The following GNLY variants were observed in gnomAD, a reference collection of about 807,000 sequenced individuals.
The protein encoded by GNLY is T-cell activation protein 519.
GNLY carries 15 observed loss-of-function variants against 18.5 expected under a neutral mutation model. The ratio of observed to expected loss-of-function variants is 0.81; its 90% CI spans 0.54 to 1.25. The LOEUF is 1.25. GNLY is among the 50% of genes most tolerant of loss of function. GNLY has a pLI of 0.00. For synonymous variants in GNLY, 77 were observed against 74.9 expected, an observed-to-expected ratio of 1.03 and a Z score of -0.14; for missense variants, 178 against 186.9, an observed-to-expected ratio of 0.95 and a Z score of 0.28.
At position 85,695,410 on chromosome 2, in the gene GNLY, AGGAGGGCCC is replaced by A. The variant is rs1291977814; in HGVS notation, c.144_152del (p.Gln48_Pro51delinsHis). The A allele has an allele frequency of 6.2e-7, 1 of 1,604,578 alleles. No homozygotes were observed. The highest frequency in any genetic ancestry group is 8.5e-7 in the Non-Finnish European group (1 of 1,171,390). On this transcript the variant is annotated inframe_deletion, in exon 2 of 5. Coordinates refer to ENST00000263863, the MANE Select transcript of GNLY (RefSeq NM_006433.5). ...GAGAAATCCTGCCCGTGCCTGGCCCAGGAGGGCCCCCAGGTACGTGTTGGCTCTCTGCTC... is the reference window on the plus strand; with the variant it reads ...GAGAAATCCTGCCCGTGCCTGGCCCACCAGGTACGTGTTGGCTCTCTGCTC...
At chr2:85,697,125 T>A in intron 3 of GNLY, 1 of 193,128 alleles carries the variant, frequency 5.2e-6, no homozygotes, top group South Asian at 9.3e-5. Flanking sequence ...CCACCAGTCT[T>A]CTCTATGCAC....
At chr2:85,698,220 G>A (rs1316800845) in intron 4 of GNLY, among the ~76,000 whole-genome samples, 1 of 152,252 alleles carries the variant, frequency 6.6e-6, no homozygotes, top group Non-Finnish European at 1.5e-5. Context: ...CTCCATGGCT[G>A]CCCAGGCTGT....
Position 85,695,825 on chromosome 2 carries a change from T to G in GNLY, c.157-133T>G, listed in dbSNP as rs1011559533. ...CCAGGCAGCCAGTTCAGGCCTTCAGTGTATCCACGCTCTGGGAAGAGATCA... is the reference window on the plus strand; with the variant it reads ...CCAGGCAGCCAGTTCAGGCCTTCAGGGTATCCACGCTCTGGGAAGAGATCA... On this transcript the variant is annotated intron_variant, in intron 2 of 4. Coordinates refer to ENST00000263863, the MANE Select transcript of GNLY (RefSeq NM_006433.5). 1.3e-4 allele frequency: 83 copies of G among 638,634 alleles called. 1 individual carries two copies. The highest frequency in any genetic ancestry group is 2.5e-5 in the Non-Finnish European group (9 of 356,662). The allele number at this position is 638,634 out of a possible 1,614,324, so 39.6% of individuals were successfully genotyped here.
Position 85,695,429 on chromosome 2 carries a change from T to A in GNLY, c.156+6T>A. 6.4e-7 allele frequency: 1 copy of A among 1,550,860 alleles called. No homozygotes were observed. Among genetic ancestry groups the A allele is most frequent in the Non-Finnish European group, 8.9e-7 (1 of 1,122,834 alleles). ...TGGCCCAGGAGGGCCCCCAGGTACG[T>A]GTTGGCTCTCTGCTCACCTGCCACA... On this transcript the variant is annotated splice_donor_region_variant and intron_variant, in intron 2 of 4. Transcript: ENST00000263863.
chr2:85,698,385 T>C (rs759046906), intron 4 of GNLY, 179 bp from the exon 5 acceptor site: 1 of 954,566 alleles, frequency 1.0e-6, no homozygotes, highest in Non-Finnish European at 1.7e-6. Flanking sequence ...AGCTTGTGGC[T>C]TTTCTATTCA....
In GNLY at chr2:85,695,342, C is replaced by T; in HGVS notation, c.75C>T (p.Ser25=). The change falls in exon 2 of 5, where the codon AGC becomes AGT. Residue 25 remains serine, a synonymous_variant. Coordinates refer to ENST00000263863, the MANE Select transcript of GNLY (RefSeq NM_006433.5). ...CAGGTCTGGTCTTCTCTCGTCTGAG[C>T]CCTGAGTACTACGACCTGGCAAGAG... The part of the protein sequence containing the change: ...GNPGLVFSRL[S]PEYYDLARAH... 6.2e-7 allele frequency: 1 copy of T among 1,612,444 alleles called. No homozygotes were observed. The highest frequency in any genetic ancestry group is 8.5e-7 in the Non-Finnish European group (1 of 1,178,438).
rs1261812788 is a variant in GNLY, at chr2:85,694,471, G to A, written c.52+1G>A. 1.2e-6 allele frequency: 2 copies of A among 1,613,742 alleles called. No homozygotes were observed. Among genetic ancestry groups the A allele is most frequent in the Admixed American group, 3.3e-5 (2 of 59,958 alleles). ...GCAGCCATGCTCCTGGGCAACCCAG[G>A]TAAGGCCTTCCCCTCGGGATCGATC... is the stretch of plus-strand genomic sequence containing the variant. On this transcript the variant is annotated splice_donor_variant, in intron 1 of 4. Transcript: ENST00000263863. LOFTEE classifies it high-confidence loss of function.
chr2:85,698,610 T>G lies in GNLY; in HGVS notation c.*36T>G. 6.2e-7 allele frequency: 1 copy of G among 1,613,736 alleles called. No homozygotes were observed. Among genetic ancestry groups the G allele is most frequent in the Non-Finnish European group, 8.5e-7 (1 of 1,179,866 alleles). On this transcript the variant is annotated 3_prime_UTR_variant, in exon 5 of 5. Transcript: ENST00000263863. ...CTTGTCCTGTGGAAGAAGCACAGGCTCCTGTCCTCAGATCCCGGGAACCTC... is the reference window on the plus strand; with the variant it reads ...CTTGTCCTGTGGAAGAAGCACAGGCGCCTGTCCTCAGATCCCGGGAACCTC...
At chr2:85,696,095 C>T (rs1428401799) in intron 3 of GNLY, 39 bp downstream of exon 3, 2 of 1,164,786 alleles carry the variant, frequency 1.7e-6, no homozygotes, top group East Asian at 2.4e-5. Context: ...GTCTGCTGCT[C>T]AATGGAGGGG....
Position 85,695,345 on chromosome 2 carries a change from TGA to T in GNLY, c.80_81del (p.Glu27ValfsTer11), listed in dbSNP as rs760149118. 6.2e-7 allele frequency: 1 copy of T among 1,613,240 alleles called. No individual in the cohort carries two copies. The highest frequency in any genetic ancestry group is 2.2e-5 in the East Asian group (1 of 44,868). On this transcript the variant is annotated frameshift_variant, in exon 2 of 5. Transcript: ENST00000263863. LOFTEE classifies it high-confidence loss of function. ...PGLVFSRLSP[E>X]YYDLARAHLR... ...GTCTGGTCTTCTCTCGTCTGAGCCC[TGA>T]GTACTACGACCTGGCAAGAGCCCAC...
At chr2:85,694,878 G>T (rs1469248127) in intron 1 of GNLY, 1 of 1,543,290 alleles carries the variant, frequency 6.5e-7, no homozygotes, top group Non-Finnish European at 8.7e-7. Flanking sequence ...CTGTGTTCAA[G>T]GCAGACTTCC....
chr2:85,698,145 C>G (rs1678532572), intron 4 of GNLY, among the ~76,000 whole-genome samples: 1 of 152,244 alleles, frequency 6.6e-6, no homozygotes, highest in African/African-American at 2.4e-5. Context: ...TATCCTCCCC[C>G]ACAATCCTGG....
chr2:85,695,456 T>C lies in GNLY; in HGVS notation c.156+33T>C, dbSNP rs750586394. 2.3e-6 allele frequency: 3 copies of C among 1,278,042 alleles called. No homozygotes were observed. In the South Asian group the frequency reaches 3.6e-5, roughly 15 times the overall value. 79.2% of individuals were successfully genotyped at this position (1,278,042 alleles called of 1,614,324 possible). ...TTGGCTCTCTGCTCACCTGCCACAGTCCCTCTCCTTTCCCTCCTCCCTGGT... is the reference window on the plus strand; with the variant it reads ...TTGGCTCTCTGCTCACCTGCCACAGCCCCTCTCCTTTCCCTCCTCCCTGGT... On this transcript the variant is annotated intron_variant, in intron 2 of 4. Coordinates refer to ENST00000263863, the MANE Select transcript of GNLY (RefSeq NM_006433.5).
chr2:85,697,580 C>T lies in GNLY; in HGVS notation c.330C>T (p.Phe110=). 6.2e-7 allele frequency: 1 copy of T among 1,613,270 alleles called. No individual in the cohort carries two copies. Among genetic ancestry groups the T allele is most frequent in the South Asian group, 1.1e-5 (1 of 91,052 alleles). Residue 110 remains phenylalanine, a synonymous_variant, in exon 4 of 5, where the codon TTC becomes TTT. Coordinates refer to ENST00000263863, the MANE Select transcript of GNLY (RefSeq NM_006433.5). ...RSRWRDVCRN[F]MRRYQSRVTQ... ...GATGGCGCGACGTCTGCAGAAATTT[C>T]ATGAGGAGGTATCAGTCTAGAGTTA...
At chr2:85,697,733 C>A in intron 4 of GNLY, 56 bp downstream of exon 4, 1 of 1,241,492 alleles carries the variant, frequency 8.1e-7, no homozygotes, top group East Asian at 2.4e-5. Flanking sequence ...CAGCTTCCCC[C>A]AGGATATATC....
rs780218763 is a variant in GNLY at position 85,694,412 on chromosome 2, C to T, written c.-7C>T. On this transcript the variant is annotated 5_prime_UTR_variant, in exon 1 of 5. Transcript: ENST00000263863. ...GGTGTGAAAGGCATCTCAGCGGCTG[C>T]CCCACCATGGCTACCTGGGCCCTCC... 6.2e-7 allele frequency: 1 copy of T among 1,613,212 alleles called. No individual in the cohort carries two copies. The highest frequency in any genetic ancestry group is 1.1e-5 in the South Asian group (1 of 91,056).
chr2:85,694,547 G>A (rs1558587171), intron 1 of GNLY, 77 bp downstream of exon 1: 4 of 1,430,990 alleles, frequency 2.8e-6, no homozygotes, highest in East Asian at 4.6e-5. Context: ...CCTGGAGCTT[G>A]GACTCTGTGG....
rs1244056917 is a variant in GNLY, at chr2:85,697,496, G to A, written c.256-10G>A. ...CTATAACCATGTCCACTGTGGTGCT[G>A]CTGCTGCAGAGAAGTGTTTCCAATG... On this transcript the variant is annotated splice_polypyrimidine_tract_variant and intron_variant, in intron 3 of 4. Coordinates refer to ENST00000263863, the MANE Select transcript of GNLY (RefSeq NM_006433.5). 5 of 1,611,490 alleles carry A rather than the reference G, an allele frequency of 3.1e-6. No homozygotes were observed. The highest frequency in any genetic ancestry group is 3.4e-6 in the Non-Finnish European group (4 of 1,179,274).
Position 85,697,695 on chromosome 2 carries a change from A to G in GNLY, c.427+18A>G. 6.4e-7 allele frequency: 1 copy of G among 1,569,846 alleles called. No homozygotes were observed. The highest frequency in any genetic ancestry group is 1.7e-5 in the Admixed American group (1 of 59,862). Reference sequence around the variant, plus strand: ...TTCTACAGGTGAGTGCAGAGGTGACAGCAGGGATACCTCCTGAGGGTTGGA... The same window carrying G: ...TTCTACAGGTGAGTGCAGAGGTGACGGCAGGGATACCTCCTGAGGGTTGGA... On this transcript the variant is annotated intron_variant, in intron 4 of 4. Coordinates refer to ENST00000263863, the MANE Select transcript of GNLY (RefSeq NM_006433.5).
Sources: allele counts gnomAD v4.1 joint callset (sites outside exome capture counted in the v4.1 genomes callset), GRCh38; gene constraint gnomAD v4.1.1; transcripts MANE v1.5; gene names NCBI Gene and HGNC (gene_info 2026-07-23, HGNC 2026-07-21).